Variants in PTTG1 observed in about 807,000 individuals in gnomAD.
PTTG1 encodes securin.
PTTG1 carries 8 observed loss-of-function variants against 20.0 expected under a neutral mutation model. The ratio of observed to expected loss-of-function variants is 0.40; its 90% confidence interval spans 0.23 to 0.72. The LOEUF (loss-of-function observed/expected upper bound fraction) is 0.72, where lower values mean the gene tolerates loss of function less well. PTTG1 is among the 30% of genes least tolerant of loss of function. The pLI, the probability that PTTG1 is intolerant of heterozygous loss-of-function variation, is 0.38. For missense variants in PTTG1, 197 were observed against 236.0 expected (o/e 0.83, Z 1.08); for synonymous variants, 79 against 87.2 (o/e 0.91, Z 0.52).
rs181607644 is a variant in PTTG1, at chr5:160,422,169, C to T, written c.-11-133C>T. ...GAGCTGGATTAAGTACTTGTTGGCT[C>T]ACGCCCGTGACTGTTCCGCTGTTTA... On this transcript the variant is annotated intron_variant, in intron 1 of 5. Coordinates refer to ENST00000352433, the MANE Select transcript of PTTG1 (RefSeq NM_004219.4). 63 of 650,668 alleles carry T rather than the reference C, an allele frequency of 9.7e-5. No homozygotes were observed. In the East Asian group the frequency reaches 1.7e-3, roughly 17 times the overall value. 40.3% of individuals were successfully genotyped at this position (650,668 alleles called of 1,614,324 possible). A position where few individuals can be genotyped will look rare whatever the true frequency, so the allele number is the denominator to read the frequency against.
chr5:160,425,044 C>T (rs1361798203), intron 4 of PTTG1, among the ~76,000 whole-genome samples: 1 of 152,168 alleles, frequency 6.6e-6, no homozygotes, highest in Non-Finnish European at 1.5e-5. Flanking sequence ...AGGAAAAATA[C>T]AGGCAGGGTA....
chr5:160,428,453 A>C, intron 5 of PTTG1, 149 bp from the exon 6 acceptor site: 1 of 690,580 alleles, frequency 1.4e-6, no homozygotes, highest in East Asian at 2.5e-5. Context: ...CCACAGACAC[A>C]TTCCAAAAAA....
chr5:160,422,597 C>T (rs55719355), intron 2 of PTTG1, 112 bp from the exon 3 acceptor site: 1 of 1,259,560 alleles, frequency 7.9e-7, no homozygotes, highest in Non-Finnish European at 1.1e-6. Context: ...CATGCCACTA[C>T]CAAAAGTGGG....
At chr5:160,424,206 C>T in intron 3 of PTTG1, 31 bp from the exon 4 acceptor site, 4 of 1,511,830 alleles carry the variant, frequency 2.6e-6, no homozygotes, top group Non-Finnish European at 3.7e-6. Flanking sequence ...CTTCCACTGT[C>T]ACTAACCCAT....
At position 160,424,291 on chromosome 5, in the gene PTTG1, TA is replaced by T. The variant is rs1336505199; in HGVS notation, c.332del (p.Tyr111PhefsTer4). On this transcript the variant is annotated frameshift_variant, in exon 4 of 6. Coordinates refer to ENST00000352433, the MANE Select transcript of PTTG1 (RefSeq NM_004219.4). LOFTEE classifies it high-confidence loss of function. ...CTCTGTTCCTGCCTCAGATGATGCC[TA>T]TCCAGAAATAGAAAAATTCTTTCCC... is the stretch of plus-strand genomic sequence containing the variant. The part of the protein sequence containing the change: ...KSSVPASDDA[Y>X]PEIEKFFPFN... 4 of 1,612,306 alleles carry T rather than the reference TA, an allele frequency of 2.5e-6. No homozygotes were observed. The highest frequency in any genetic ancestry group is 3.3e-5 in the Admixed American group (2 of 59,930).
intron 4 of PTTG1, among the ~76,000 whole-genome samples, chr5:160,425,452 C>T (rs1040796232): frequency 2.0e-5 from 3 of 152,172 alleles, no homozygotes; most frequent in African/African-American, 7.2e-5. Flanking sequence ...TGCTAAGTGG[C>T]CCTTCAAAAT....
intron 2 of PTTG1, 81 bp downstream of exon 2, chr5:160,422,484 TGGGCAA>T (rs1765731759): frequency 7.7e-7 from 1 of 1,298,298 alleles, no homozygotes; most frequent in Non-Finnish European, 1.1e-6. Context: ...GTGTACTTTT[TGGGCAA>T]TTGGAGTCGT....
chr5:160,423,444 T>C (rs1175506978), intron 3 of PTTG1, among the ~76,000 whole-genome samples: 4 of 152,250 alleles, frequency 2.6e-5, no homozygotes, highest in African/African-American at 9.6e-5. Flanking sequence ...CATTAGCATG[T>C]GGATTAACAC....
Position 160,422,282 on chromosome 5 carries a change from T to A in PTTG1, c.-11-20T>A. ...TTCTCCCACCTTCCCCAATATCTAA[T>A]ATGTATTTCTCATTCTTAGAATAAT... On this transcript the variant is annotated intron_variant, in intron 1 of 5. Transcript: ENST00000352433. 6.4e-7 allele frequency: 1 copy of A among 1,555,814 alleles called. No homozygotes were observed. The highest frequency in any genetic ancestry group is 8.9e-7 in the Non-Finnish European group (1 of 1,126,972).
chr5:160,427,595 A>G (rs954986688), intron 4 of PTTG1, 120 bp from the exon 5 acceptor site: 7 of 1,146,046 alleles, frequency 6.1e-6, no homozygotes, highest in African/African-American at 3.1e-5. Context: ...AAAGGTGTGA[A>G]TATTGTCTTG....
At chr5:160,422,971 C>T (rs1765745105) in intron 3 of PTTG1, 78 bp downstream of exon 3, 6 of 1,462,670 alleles carry the variant, frequency 4.1e-6, no homozygotes, top group East Asian at 4.5e-5. Flanking sequence ...CATCATCCTA[C>T]GTAGCTTTCT....
At chr5:160,421,924 T>C in intron 1 of PTTG1, 33 bp downstream of exon 1, 1 of 192,962 alleles carries the variant, frequency 5.2e-6, no homozygotes, top group Non-Finnish European at 1.1e-5. Context: ...GGTGGTTAGT[T>C]GAGCCGGCTC....
chr5:160,427,529 G>A (rs1220818048), intron 4 of PTTG1, among the ~76,000 whole-genome samples, 186 bp from the exon 5 acceptor site: 1 of 152,166 alleles, frequency 6.6e-6, no homozygotes, highest in Non-Finnish European at 1.5e-5. Context: ...TGAGGCACCA[G>A]CAGCTTTCTC....
rs368279514 is a variant in PTTG1 at position 160,422,393 on chromosome 5, G to A, written c.81G>A (p.Gly27=). Residue 27 remains glycine, a synonymous_variant, in exon 2 of 6, where the codon GGG becomes GGA. Coordinates refer to ENST00000352433, the MANE Select transcript of PTTG1 (RefSeq NM_004219.4). The stretch of plus-strand genomic sequence containing the variant: ...TTGCTAAGGATGGGCTGAAGCTGGG[G>A]TCTGGACCTTGTAAGTATACAAGGC... The part of the protein sequence containing the change: ...RVVAKDGLKL[G]SGPSIKALDG... The A allele has an allele frequency of 2.5e-5, 40 of 1,614,068 alleles. No individual in the cohort carries two copies. The African/African-American group carries it at 4.8e-4, about 19-fold the overall frequency.
intron 3 of PTTG1, among the ~76,000 whole-genome samples, chr5:160,423,776 A>T (rs929121231): frequency 6.6e-6 from 1 of 152,192 alleles, no homozygotes. Context: ...TTTATTCTAA[A>T]GTCCTTGACA....
chr5:160,421,980 G>GAAGCT (rs1765718962), intron 1 of PTTG1, 89 bp downstream of exon 1: 3 of 207,190 alleles, frequency 1.4e-5, no homozygotes, highest in South Asian at 7.6e-5. Context: ...GGCTGAAGCT[G>GAAGCT]GGGCTGGGGT....
chr5:160,421,982 G>A (rs1008104547), intron 1 of PTTG1, 91 bp downstream of exon 1: 5 of 182,286 alleles, frequency 2.7e-5, no homozygotes, highest in South Asian at 8.9e-5. Flanking sequence ...CTGAAGCTGG[G>A]GCTGGGGTTG....
intron 5 of PTTG1, 49 bp downstream of exon 5, chr5:160,427,922 T>C: frequency 1.2e-6 from 2 of 1,609,230 alleles, no homozygotes; most frequent in Non-Finnish European, 1.7e-6. Context: ...ATTTGTTTCA[T>C]AACACTTCCA....
chr5:160,427,580 T>C (rs1765830293), intron 4 of PTTG1, 135 bp from the exon 5 acceptor site: 1 of 999,562 alleles, frequency 1.0e-6, no homozygotes, highest in East Asian at 2.6e-5. Flanking sequence ...GTCAACCCAG[T>C]GGAAAAAGGT....
Sources: gnomAD v4.1 joint callset for allele counts (sites outside exome capture counted in the v4.1 genomes callset) on GRCh38, gnomAD v4.1.1 for gene constraint, MANE v1.5 for transcripts, NCBI Gene and HGNC (gene_info 2026-07-23, HGNC 2026-07-21) for gene names.